The following ATG10 variants were observed in gnomAD, a reference collection of about 807,000 sequenced individuals.
The protein encoded by ATG10 is ubiquitin-like-conjugating enzyme ATG10.
A neutral mutation model predicts 32.1 loss-of-function variants in ATG10; 30 were observed. The observed-to-expected ratio is 0.94, with a 90% CI of 0.70 to 1.27. ATG10 has a LOEUF of 1.27. ATG10 is among the 50% of genes most tolerant of loss of function. The pLI is 0.00. For missense variants in ATG10, 233 were observed against 262.3 expected (o/e 0.89, Z 0.77); for synonymous variants, 87 against 91.5 (o/e 0.95, Z 0.28).
At chr5:82,033,727 CAA>C (rs1326498259) in intron 2 of ATG10, among the ~76,000 whole-genome samples, 2 of 92,308 alleles carry the variant, frequency 2.2e-5, no homozygotes, top group African/African-American at 7.9e-5. Context: ...AAATACTATA[CAA>C]ACACACACAC....
chr5:82,154,062 C>G (rs936434835), intron 3 of ATG10, among the ~76,000 whole-genome samples: 4 of 151,880 alleles, frequency 2.6e-5, no homozygotes, highest in Non-Finnish European at 4.4e-5. Context: ...CAGCACCTAG[C>G]CTGCTGTGTA....
At chr5:82,141,233 TAA>T (rs372244370) in intron 3 of ATG10, among the ~76,000 whole-genome samples, 3 of 141,206 alleles carry the variant, frequency 2.1e-5, no homozygotes, top group African/African-American at 7.7e-5. Flanking sequence ...AAAAATAAAT[TAA>T]AAAAAAAAAA....
intron 3 of ATG10, among the ~76,000 whole-genome samples, chr5:82,082,617 T>C (rs1327041994): frequency 6.6e-6 from 1 of 152,114 alleles, no homozygotes; most frequent in African/African-American, 2.4e-5. Context: ...TACAAATACA[T>C]TGACACTAAA....
chr5:82,150,858 C>G (rs1312775730), intron 3 of ATG10, among the ~76,000 whole-genome samples: 7 of 152,158 alleles, frequency 4.6e-5, no homozygotes, highest in Admixed American at 4.6e-4. Flanking sequence ...TCCTAAAAGC[C>G]AAAGAATCTT....
At chr5:81,988,779 G>C (rs1761365383) in intron 2 of ATG10, among the ~76,000 whole-genome samples, 1 of 152,066 alleles carries the variant, frequency 6.6e-6, no homozygotes, top group African/African-American at 2.4e-5. Flanking sequence ...AATGTAAAAG[G>C]CCTATGTACT....
At chr5:81,997,795 T>C (rs1217218900) in intron 2 of ATG10, among the ~76,000 whole-genome samples, 1 of 152,132 alleles carries the variant, frequency 6.6e-6, no homozygotes, top group African/African-American at 2.4e-5. Flanking sequence ...TCTAAGAGCT[T>C]GAAGACTGGT....
intron 3 of ATG10, among the ~76,000 whole-genome samples, chr5:82,092,478 A>G (rs1193636850): frequency 6.6e-6 from 1 of 152,174 alleles, no homozygotes; most frequent in Non-Finnish European, 1.5e-5. Context: ...ATTTCTCAAG[A>G]GTCTGTAGAC....
chr5:81,977,934 T>C (rs1041670843), intron 1 of ATG10, among the ~76,000 whole-genome samples: 3 of 152,204 alleles, frequency 2.0e-5, no homozygotes, highest in African/African-American at 4.8e-5. Context: ...GAATGTGCCT[T>C]TCATTACAAA....
At chr5:82,033,526 C>G (rs1275625118) in intron 2 of ATG10, among the ~76,000 whole-genome samples, 3 of 151,896 alleles carry the variant, frequency 2.0e-5, no homozygotes, top group African/African-American at 7.3e-5. Flanking sequence ...CTTGAAGCAC[C>G]CTTCGCTTGG....
chr5:82,085,592 A>G (rs919898913), intron 3 of ATG10, among the ~76,000 whole-genome samples: 4 of 152,084 alleles, frequency 2.6e-5, no homozygotes, highest in African/African-American at 9.7e-5. Context: ...TACATATGTA[A>G]CAAACCTGCA....
intron 5 of ATG10, among the ~76,000 whole-genome samples, chr5:82,192,244 T>A (rs1744691629): frequency 6.6e-6 from 1 of 152,222 alleles, no homozygotes; most frequent in Admixed American, 6.5e-5. Context: ...GAATGACAGA[T>A]TCCTGACCTG....
chr5:82,156,289 G>A (rs898279322), intron 3 of ATG10, among the ~76,000 whole-genome samples: 2 of 152,134 alleles, frequency 1.3e-5, no homozygotes, highest in Admixed American at 6.6e-5. Context: ...GAATCACAAA[G>A]TAGACCCTCC....
At chr5:82,034,008 G>A (rs1427979534) in intron 2 of ATG10, among the ~76,000 whole-genome samples, 1 of 146,574 alleles carries the variant, frequency 6.8e-6, no homozygotes, top group African/African-American at 2.5e-5. Flanking sequence ...ATGTATATAT[G>A]TACTATATAT....
At chr5:82,053,603 C>T (rs1037724933) in intron 2 of ATG10, among the ~76,000 whole-genome samples, 1 of 151,790 alleles carries the variant, frequency 6.6e-6, no homozygotes, top group Non-Finnish European at 1.5e-5. Flanking sequence ...TTATTTTGGT[C>T]TTAGGTGAAG....
chr5:82,072,430 G>T (rs1389627754), intron 3 of ATG10, among the ~76,000 whole-genome samples: 2 of 152,144 alleles, frequency 1.3e-5, no homozygotes, highest in Non-Finnish European at 2.9e-5. Flanking sequence ...CGTTCCTTCA[G>T]TGTAAGATCC....
At chr5:82,151,198 A>T (rs915483012) in intron 3 of ATG10, among the ~76,000 whole-genome samples, 4 of 152,174 alleles carry the variant, frequency 2.6e-5, no homozygotes, top group African/African-American at 9.7e-5. Context: ...ACTAATATTT[A>T]ACTTTTTGAA....
chr5:82,020,180 T>C (rs191217818), intron 2 of ATG10, among the ~76,000 whole-genome samples: 42 of 152,338 alleles, frequency 2.8e-4, no homozygotes, highest in Non-Finnish European at 8.8e-5. Context: ...TTCCAGTTTT[T>C]AAGCCATGGG....
intron 3 of ATG10, among the ~76,000 whole-genome samples, chr5:82,156,085 T>TG (rs1767787421): frequency 6.9e-6 from 1 of 145,856 alleles, no homozygotes. Context: ...AAACTGGGAG[T>TG]GGGGGGTGAT....
intron 3 of ATG10, among the ~76,000 whole-genome samples, chr5:82,099,708 A>G (rs1415587645): frequency 2.6e-5 from 4 of 152,176 alleles, no homozygotes; most frequent in Non-Finnish European, 5.9e-5. Flanking sequence ...ATGAATTATC[A>G]TTAATCATAA....
Sources: allele counts gnomAD v4.1 joint callset (sites outside exome capture counted in the v4.1 genomes callset), GRCh38; gene constraint gnomAD v4.1.1; transcripts MANE v1.5; gene names NCBI Gene and HGNC (gene_info 2026-07-23, HGNC 2026-07-21).